Variants in PRRC2B observed in about 807,000 individuals in gnomAD.
PRRC2B encodes protein PRRC2B.
PRRC2B carries 68 observed loss-of-function variants against 242.3 expected under a neutral mutation model. That is an observed-to-expected ratio of 0.28 (90% CI 0.23 to 0.34). The LOEUF (loss-of-function observed/expected upper bound fraction) is 0.34. Among genes scored for constraint, PRRC2B ranks in the 10% least tolerant of loss-of-function variants. The pLI is 1.00. For missense variants in PRRC2B, 2,835 were observed against 2,954.8 expected (o/e 0.96, Z 0.94); for synonymous variants, 1,228 against 1,173.6 (o/e 1.05, Z -0.95).
chr9:131,387,248 G>A (rs1383021343), intron 1 of PRRC2B, among the ~76,000 whole-genome samples: 3 of 150,186 alleles, frequency 2.0e-5, no homozygotes, highest in African/African-American at 4.9e-5. Context: ...TGATCCGCCC[G>A]TCTCCGCCTC....
chr9:131,437,144 ACGAAG>A (rs1246026942), intron 4 of PRRC2B, among the ~76,000 whole-genome samples: 1 of 152,098 alleles, frequency 6.6e-6, no homozygotes, highest in Non-Finnish European at 1.5e-5. Flanking sequence ...GAAAAACAAA[ACGAAG>A]CGAGCTCCTT....
intron 19 of PRRC2B, among the ~76,000 whole-genome samples, chr9:131,480,744 C>G (rs1588277329): frequency 6.6e-6 from 1 of 151,996 alleles, no homozygotes; most frequent in African/African-American, 2.4e-5. Context: ...TGCCCCCACC[C>G]CCTGCTAGCA....
At chr9:131,420,762 T>C (rs1363776757) in intron 1 of PRRC2B, among the ~76,000 whole-genome samples, 1 of 151,688 alleles carries the variant, frequency 6.6e-6, no homozygotes, top group African/African-American at 2.4e-5. Context: ...GGATTACAGG[T>C]GTGAACCGCC....
intron 25 of PRRC2B, 42 bp from the exon 26 acceptor site, chr9:131,486,043 G>A: frequency 7.5e-7 from 1 of 1,330,692 alleles, no homozygotes; most frequent in Admixed American, 1.9e-5. Flanking sequence ...AAGTAGTGAG[G>A]CTTGATCCTC....
rs374219548 is a variant in PRRC2B, at chr9:131,475,855, C to T, written c.3726C>T (p.Ser1242=). ...PGSSWQEYGP[S]DTCGSRRPTD... ...GCTCTTGGCAGGAATATGGCCCTTC[C>T]GACACATGCGGATCCCGGCGACCTA... is the stretch of plus-strand genomic sequence containing the variant. The change falls in exon 16 of 32, where the codon TCC becomes TCT. Residue 1242 remains serine, a synonymous_variant. Coordinates refer to ENST00000683519, the MANE Select transcript of PRRC2B (RefSeq NM_013318.4). 1.5e-5 allele frequency: 25 copies of T among 1,613,642 alleles called. No individual in the cohort carries two copies. The East Asian group carries it at 1.6e-4, about 10-fold the overall frequency.
intron 23 of PRRC2B, among the ~76,000 whole-genome samples, chr9:131,483,785 C>T (rs2131465993): frequency 6.6e-6 from 1 of 152,314 alleles, no homozygotes; most frequent in South Asian, 2.1e-4. Context: ...CCCATCTCAC[C>T]ATCCAAGGGT....
At chr9:131,448,893 T>C (rs1463636250) in intron 9 of PRRC2B, among the ~76,000 whole-genome samples, 1 of 152,184 alleles carries the variant, frequency 6.6e-6, no homozygotes, top group Non-Finnish European at 1.5e-5. Context: ...CACACATCCA[T>C]ATCCAGAGAA....
At chr9:131,404,866 C>G (rs992353385) in intron 1 of PRRC2B, among the ~76,000 whole-genome samples, 2 of 152,200 alleles carry the variant, frequency 1.3e-5, no homozygotes, top group Non-Finnish European at 2.9e-5. Context: ...TTTGGTCAAA[C>G]TGTACCAGAT....
chr9:131,446,121 G>A lies in PRRC2B; in HGVS notation c.614-280G>A, dbSNP rs1838792504. On this transcript the variant is annotated intron_variant, in intron 6 of 31. Transcript: ENST00000683519. The surrounding 1 kb of genome is among the most constrained non-coding windows in gnomAD (Gnocchi z 4.1). The stretch of plus-strand genomic sequence containing the variant: ...TTCATCTCTCTGGGTTGTGAGACTT[G>A]GGGAAGGGTGGTGATTGTTGCTTAC... 7.4e-6 allele frequency among the ~76,000 whole-genome samples: 1 copy of A among 135,542 alleles called. No individual in the cohort carries two copies. The highest frequency in any genetic ancestry group is 2.2e-4 in the South Asian group (1 of 4,510). 88.9% of individuals were successfully genotyped at this position (135,542 alleles called of 152,430 possible).
intron 1 of PRRC2B, among the ~76,000 whole-genome samples, chr9:131,424,892 C>G (rs1382794638): frequency 6.6e-6 from 1 of 152,124 alleles, no homozygotes; most frequent in Non-Finnish European, 1.5e-5. Context: ...GGACATAGTT[C>G]AAGGAATAGT....
intron 1 of PRRC2B, among the ~76,000 whole-genome samples, chr9:131,409,435 C>T (rs956286590): frequency 1.3e-5 from 2 of 152,110 alleles, no homozygotes; most frequent in African/African-American, 2.4e-5. Flanking sequence ...CTGCCCATCT[C>T]GGCCTCCCAA....
chr9:131,380,119 A>G (rs968789100), intron 1 of PRRC2B, among the ~76,000 whole-genome samples: 1 of 151,240 alleles, frequency 6.6e-6, no homozygotes, highest in Admixed American at 6.6e-5. Flanking sequence ...CAGCCTCCCA[A>G]GCAGCTGAGA....
rs183336376 is a variant in PRRC2B at position 131,377,994 on chromosome 9, G to C, written c.-56+4263G>C. 3.2e-3 allele frequency among the ~76,000 whole-genome samples: 483 copies of C among 152,192 alleles called. 3 individuals carry two copies. Among genetic ancestry groups the C allele is most frequent in the African/African-American group, 0.011 (450 of 41,536 alleles). On this transcript the variant is annotated intron_variant, in intron 1 of 1. Coordinates refer to the PRRC2B transcript ENST00000682525. ...TAATCTTGAACCCCTGGGCCCAAGC[G>C]ATCTTCCTACCTTGGCCTTTCAAAG...
At chr9:131,449,363 CT>C (rs149956804) in intron 9 of PRRC2B, among the ~76,000 whole-genome samples, 28 of 146,850 alleles carry the variant, frequency 1.9e-4, no homozygotes, top group Non-Finnish European at 1.7e-4. Context: ...TGGTGTTCAT[CT>C]TTTTTTTTTT....
intron 3 of PRRC2B, among the ~76,000 whole-genome samples, chr9:131,433,286 A>G (rs1444519621): frequency 1.3e-5 from 2 of 152,180 alleles, no homozygotes; most frequent in South Asian, 4.1e-4. Flanking sequence ...CTGTTGCTCT[A>G]AACAGACCTA....
chr9:131,438,177 T>A (rs770116567), intron 4 of PRRC2B, among the ~76,000 whole-genome samples: 2 of 152,216 alleles, frequency 1.3e-5, no homozygotes, highest in Non-Finnish European at 2.9e-5. Flanking sequence ...TTGTGTATTT[T>A]CACCTTCAGT....
intron 2 of PRRC2B, among the ~76,000 whole-genome samples, chr9:131,431,523 C>G (rs568512695): frequency 3.0e-4 from 46 of 152,212 alleles, no homozygotes; most frequent in Admixed American, 1.0e-3. Flanking sequence ...CCTCGGCCTC[C>G]CAGGGTGCTG....
Position 131,444,199 on chromosome 9 carries a change from A to G in PRRC2B, c.484A>G (p.Ser162Gly). The change falls in exon 6 of 32, where the codon AGC becomes GGC. Residue 162 changes from serine (S) to glycine (G), a missense_variant. Transcript: ENST00000683519. ...CTTCTTGACAGGTTTAAGGGGCTCA[A>G]GCCGACTGTTATCCTTCTCTCCCGA... Reference protein sequence around the residue: ...VGHEGGLRGSSRLLSFSPEEF... With the variant: ...VGHEGGLRGSGRLLSFSPEEF... The G allele has an allele frequency of 6.2e-7, 1 of 1,614,050 alleles. No homozygotes were observed. Among genetic ancestry groups the G allele is most frequent in the Non-Finnish European group, 8.5e-7 (1 of 1,179,898 alleles).
At chr9:131,443,421 C>A (rs1194167580) in intron 5 of PRRC2B, among the ~76,000 whole-genome samples, 1 of 151,548 alleles carries the variant, frequency 6.6e-6, no homozygotes, top group African/African-American at 2.4e-5. Context: ...CAGGCGTGAG[C>A]CACCACGCCT....
Sources: gnomAD v4.1 joint callset for allele counts (sites outside exome capture counted in the v4.1 genomes callset) on GRCh38, gnomAD v4.1.1 for gene constraint, Gnocchi (gnomAD v3.1) non-coding constraint, MANE v1.5 for transcripts, NCBI Gene and HGNC (gene_info 2026-07-23, HGNC 2026-07-21) for gene names.